WDR49: variants seen among roughly 807,000 people sequenced by gnomAD.
The protein encoded by WDR49 is WD repeat domain 49.
A neutral mutation model predicts 119.5 loss-of-function variants in WDR49; 107 were observed. The ratio of observed to expected loss-of-function variants is 0.90; its 90% CI spans 0.77 to 1.05. The LOEUF (loss-of-function observed/expected upper bound fraction) is 1.05, where lower values mean the gene tolerates loss of function less well. WDR49 is among the 50% of genes least tolerant of loss of function. The pLI, the probability that WDR49 is intolerant of heterozygous loss-of-function variation, is 0.00. For synonymous variants in WDR49, 425 were observed against 418.8 expected, an observed-to-expected ratio of 1.01 and a Z score of -0.18; for missense variants, 1,240 against 1,220.5, an observed-to-expected ratio of 1.02 and a Z score of -0.24.
chr3:167,515,358 A>T lies in WDR49; in HGVS notation c.2774+6957T>A, dbSNP rs533046089. Among the ~76,000 whole-genome samples, 30 of 152,326 alleles carry T rather than the reference A, an allele frequency of 2.0e-4. No individual in the cohort carries two copies. In the South Asian group the frequency reaches 3.3e-3, roughly 17 times the overall value. ...GTAGGTAAATCAATAAACGTAATTC[A>T]TCACATAAACAAAACTAAGAACAAA... On this transcript the variant is annotated intron_variant, in intron 16 of 18. Coordinates refer to ENST00000682715, the MANE Select transcript of WDR49 (RefSeq NM_001366157.1).
At chr3:167,612,612 T>C (rs1383561470) in intron 5 of WDR49, among the ~76,000 whole-genome samples, 1 of 151,740 alleles carries the variant, frequency 6.6e-6, no homozygotes, top group Admixed American at 6.6e-5. Flanking sequence ...ATAAATAAAA[T>C]CAGAAATGAA....
chr3:167,571,104 G>C (rs540585240), intron 8 of WDR49, among the ~76,000 whole-genome samples: 28 of 151,878 alleles, frequency 1.8e-4, no homozygotes, highest in African/African-American at 5.8e-4. Context: ...ACCACTCTAT[G>C]GCTGTGACCT....
At chr3:167,624,559 T>A (rs1256742671) in intron 3 of WDR49, among the ~76,000 whole-genome samples, 1 of 152,034 alleles carries the variant, frequency 6.6e-6, no homozygotes, top group East Asian at 1.9e-4. Flanking sequence ...TTTTCACAGG[T>A]CATGTATGTG....
Position 167,554,613 on chromosome 3 carries a change from TA to T in WDR49, c.1823+36del, listed in dbSNP as rs777436061. The T allele has an allele frequency of 6.7e-6, 9 of 1,343,248 alleles. No homozygotes were observed. In the South Asian group the frequency reaches 1.2e-4, roughly 18 times the overall value. The allele number at this position is 1,343,248 out of a possible 1,614,324, so 83.2% of individuals were successfully genotyped here. Reference sequence around the variant, plus strand: ...AAGATTTTTATGTTCTTTTTTCTTTTAGATTTTGATTAAAATAAAAACATTC... The same window carrying T: ...AAGATTTTTATGTTCTTTTTTCTTTTGATTTTGATTAAAATAAAAACATTC... On this transcript the variant is annotated intron_variant, in intron 10 of 18. Transcript: ENST00000682715.
chr3:167,513,451 C>T (rs1344431933), intron 16 of WDR49, among the ~76,000 whole-genome samples: 1 of 152,126 alleles, frequency 6.6e-6, no homozygotes, highest in African/African-American at 2.4e-5. Context: ...GCAAGAGCTC[C>T]TGAAGGAAGC....
chr3:167,487,577 A>G (rs7652468), intron 18 of WDR49, among the ~76,000 whole-genome samples: 49,427 of 151,978 alleles, frequency 0.33, 8,250 homozygotes, highest in East Asian at 0.48. Flanking sequence ...CAAACCATCA[A>G]CAGAGTAAAC....
rs769043940 is a variant in WDR49 at position 167,531,202 on chromosome 3, C to T, written c.2131G>A (p.Val711Ile). 6.2e-6 allele frequency: 10 copies of T among 1,611,910 alleles called. No homozygotes were observed. Among genetic ancestry groups the T allele is most frequent in the Middle Eastern group, 2.1e-4 (1 of 4,760 alleles). ...TCAGTGTCAATCTCAAAGTTGCGGACTCCCGTGGTAGAATGGTCTGCCATG... is the reference window on the plus strand; with the variant it reads ...TCAGTGTCAATCTCAAAGTTGCGGATTCCCGTGGTAGAATGGTCTGCCATG... ...HPMADHSTTG[V>I]RNFEIDTEGK... is the part of the protein sequence containing the mutation. The change falls in exon 13 of 19, where the codon GTC (valine) becomes ATC (isoleucine). Residue 711 changes from valine to isoleucine, a missense_variant. Transcript: ENST00000682715.
At chr3:167,496,921 G>C in intron 18 of WDR49, among the ~76,000 whole-genome samples, 1 of 112,586 alleles carries the variant, frequency 8.9e-6, no homozygotes, top group African/African-American at 4.3e-5. Flanking sequence ...ACTAACGAGA[G>C]GTAAATGTAA....
intron 7 of WDR49, among the ~76,000 whole-genome samples, chr3:167,596,641 A>G (rs1715461770): frequency 2.8e-5 from 4 of 142,972 alleles, no homozygotes; most frequent in South Asian, 4.5e-4. Flanking sequence ...AACACCGCAT[A>G]TTCTCACTCA....
intron 15 of WDR49, among the ~76,000 whole-genome samples, chr3:167,526,262 T>C (rs1405296792): frequency 3.9e-5 from 6 of 152,126 alleles, no homozygotes; most frequent in African/African-American, 1.4e-4. Context: ...CAAGCACACA[T>C]TTCTGAATTA....
intron 16 of WDR49, among the ~76,000 whole-genome samples, chr3:167,509,153 A>T (rs548904171): frequency 6.6e-6 from 1 of 152,300 alleles, no homozygotes; most frequent in African/African-American, 2.4e-5. Flanking sequence ...CTTCCAGATA[A>T]GCAATTTTTT....
chr3:167,541,678 T>C (rs1356723815), intron 10 of WDR49, among the ~76,000 whole-genome samples: 1 of 151,788 alleles, frequency 6.6e-6, no homozygotes, highest in Non-Finnish European at 1.5e-5. Context: ...ACTAGCACAA[T>C]AAATAAAACA....
At chr3:167,600,669 G>C (rs370900653) in intron 7 of WDR49, among the ~76,000 whole-genome samples, 3 of 152,104 alleles carry the variant, frequency 2.0e-5, no homozygotes, top group African/African-American at 7.2e-5. Context: ...GCTGTAATGA[G>C]AGACACACAA....
chr3:167,483,073 C>T (rs1261567585), intron 18 of WDR49, among the ~76,000 whole-genome samples: 1 of 152,084 alleles, frequency 6.6e-6, no homozygotes, highest in Non-Finnish European at 1.5e-5. Flanking sequence ...ACTGAGCATA[C>T]ATCTAATAGT....
chr3:167,484,487 A>C (rs977100546), intron 18 of WDR49, among the ~76,000 whole-genome samples: 11 of 152,106 alleles, frequency 7.2e-5, no homozygotes, highest in African/African-American at 2.7e-4. Context: ...TCTACCAATG[A>C]AAGTTTCTGC....
At chr3:167,654,716 C>T (rs1425475179), upstream of WDR49, among the ~76,000 whole-genome samples, 3 of 151,732 alleles carry the variant, frequency 2.0e-5, no homozygotes, top group Non-Finnish European at 4.4e-5. Flanking sequence ...GGCAACATGA[C>T]GAGACATTGT....
At chr3:167,589,744 T>C (rs1715010189) in intron 7 of WDR49, among the ~76,000 whole-genome samples, 1 of 152,096 alleles carries the variant, frequency 6.6e-6, no homozygotes, top group Non-Finnish European at 1.5e-5. Flanking sequence ...TGTTGGCATA[T>C]AGAAATGCAA....
intron 7 of WDR49, among the ~76,000 whole-genome samples, chr3:167,591,152 T>G (rs539050454): frequency 1.3e-5 from 2 of 152,262 alleles, no homozygotes; most frequent in South Asian, 4.1e-4. Context: ...CTTCTCAGTT[T>G]CTTTATTGAC....
chr3:167,532,176 T>C (rs766939545), intron 12 of WDR49, among the ~76,000 whole-genome samples: 43 of 152,146 alleles, frequency 2.8e-4, no homozygotes, highest in Admixed American at 4.6e-4. Flanking sequence ...CATCTGATGA[T>C]CAGTCCATTC....
Sources: gnomAD v4.1 joint callset for allele counts (sites outside exome capture counted in the v4.1 genomes callset) on GRCh38, gnomAD v4.1.1 for gene constraint, MANE v1.5 for transcripts, NCBI Gene and HGNC (gene_info 2026-07-23, HGNC 2026-07-21) for gene names.